Variants in RNLS observed in about 807,000 individuals in gnomAD.
RNLS encodes renalase.
RNLS carries 39 observed loss-of-function variants against 39.8 expected under a neutral mutation model. The ratio of observed to expected loss-of-function variants is 0.98; its 90% CI spans 0.76 to 1.28. The LOEUF (loss-of-function observed/expected upper bound fraction) is 1.28, where lower values mean the gene tolerates loss of function less well. Among genes scored for constraint, RNLS ranks in the 50% most tolerant of loss-of-function variants. RNLS has a pLI of 0.00. For synonymous variants in RNLS, 147 were observed against 150.7 expected (o/e 0.98, Z 0.18); for missense variants, 410 against 413.3 (o/e 0.99, Z 0.07).
chr10:88,470,312 C>T (rs901307054), intron 4 of RNLS, among the ~76,000 whole-genome samples: 1 of 152,084 alleles, frequency 6.6e-6, no homozygotes, highest in African/African-American at 2.4e-5. Flanking sequence ...CACATGAACA[C>T]ATATGTCCAT....
At chr10:88,479,424 A>T (rs1475312894) in intron 4 of RNLS, among the ~76,000 whole-genome samples, 1 of 152,218 alleles carries the variant, frequency 6.6e-6, no homozygotes, top group Non-Finnish European at 1.5e-5. Context: ...AATTATATAC[A>T]GTTTTCTATT....
the RNLS span, among the ~76,000 whole-genome samples, chr10:88,187,524 G>A: frequency 2.0e-5 from 3 of 152,246 alleles, no homozygotes; most frequent in African/African-American, 7.2e-5. Flanking sequence ...TTTGAAAACT[G>A]ATGTGCTACC....
chr10:88,412,730 G>A (rs1405346284), intron 4 of RNLS, among the ~76,000 whole-genome samples: 1 of 152,058 alleles, frequency 6.6e-6, no homozygotes, highest in Non-Finnish European at 1.5e-5. Flanking sequence ...AAGACACTTA[G>A]CAATAATAAA....
At chr10:88,182,958 G>GT in the RNLS span, among the ~76,000 whole-genome samples, 1 of 152,064 alleles carries the variant, frequency 6.6e-6, no homozygotes, top group African/African-American at 2.4e-5. Context: ...TACCAGTTGT[G>GT]TTTTTTTGGG....
intron 4 of RNLS, among the ~76,000 whole-genome samples, chr10:88,566,103 C>CA: frequency 6.6e-6 from 1 of 151,492 alleles, no homozygotes. Flanking sequence ...TATGATTATT[C>CA]AAAAAATCGT....
chr10:88,579,767 G>A (rs886927127), intron 3 of RNLS, among the ~76,000 whole-genome samples: 1 of 152,162 alleles, frequency 6.6e-6, no homozygotes, highest in African/African-American at 2.4e-5. Flanking sequence ...AATTTTATGT[G>A]TCAACTTGAC....
intron 4 of RNLS, among the ~76,000 whole-genome samples, chr10:88,470,441 G>A (rs909389251): frequency 6.6e-6 from 1 of 152,124 alleles, no homozygotes; most frequent in Admixed American, 6.6e-5. Flanking sequence ...CATGAGGGCA[G>A]CCAAGTTAAT....
chr10:88,368,253 C>T (rs1042547396), intron 4 of RNLS, among the ~76,000 whole-genome samples: 1 of 151,400 alleles, frequency 6.6e-6, no homozygotes, highest in African/African-American at 2.4e-5. Flanking sequence ...CCTCATCCAC[C>T]CTAATTTAAT....
intron 4 of RNLS, among the ~76,000 whole-genome samples, chr10:88,563,687 G>C (rs1849323437): frequency 6.6e-6 from 1 of 152,122 alleles, no homozygotes; most frequent in Admixed American, 6.6e-5. Context: ...TGTGAGGAAA[G>C]GAGTGGGATG....
chr10:88,433,977 T>C (rs906718092), intron 4 of RNLS, among the ~76,000 whole-genome samples: 2 of 152,188 alleles, frequency 1.3e-5, no homozygotes, highest in Non-Finnish European at 2.9e-5. Flanking sequence ...TGGTGTTATT[T>C]GAAGTGTCTA....
intron 4 of RNLS, among the ~76,000 whole-genome samples, chr10:88,528,600 C>T (rs191994137): frequency 2.0e-5 from 3 of 152,048 alleles, no homozygotes; most frequent in African/African-American, 7.2e-5. Flanking sequence ...AATCCCAGCA[C>T]TTTGGGAGGC....
intron 4 of RNLS, among the ~76,000 whole-genome samples, chr10:88,541,286 T>G (rs1264814644): frequency 3.3e-5 from 5 of 152,202 alleles, no homozygotes; most frequent in Non-Finnish European, 7.4e-5. Flanking sequence ...AGGAACGACA[T>G]ATCTGTGTAC....
intron 3 of RNLS, among the ~76,000 whole-genome samples, chr10:88,577,741 G>C (rs1430842281): frequency 6.6e-6 from 1 of 152,162 alleles, no homozygotes; most frequent in Non-Finnish European, 1.5e-5. Flanking sequence ...AATAAATACA[G>C]CTTTCTCTGC....
chr10:88,246,745 C>T, the RNLS span, among the ~76,000 whole-genome samples: 1 of 152,114 alleles, frequency 6.6e-6, no homozygotes, highest in East Asian at 1.9e-4. Flanking sequence ...TTAACCATTC[C>T]TTACTGCAAG....
chr10:88,375,224 AC>A (rs1369451788), intron 4 of RNLS, among the ~76,000 whole-genome samples: 2 of 152,130 alleles, frequency 1.3e-5, no homozygotes, highest in Non-Finnish European at 2.9e-5. Flanking sequence ...TTCAAAGAGA[AC>A]AAAAAAACCC....
At chr10:88,281,159 G>A (rs1255251986), downstream of RNLS, among the ~76,000 whole-genome samples, 3 of 152,310 alleles carry the variant, frequency 2.0e-5, no homozygotes, top group Middle Eastern at 6.8e-3. Flanking sequence ...TGTTTGCTGA[G>A]ACTTTTTTCT....
chr10:88,401,967 C>G (rs1852949003), intron 4 of RNLS, among the ~76,000 whole-genome samples: 1 of 151,908 alleles, frequency 6.6e-6, no homozygotes, highest in South Asian at 2.1e-4. Flanking sequence ...AGACAGGATC[C>G]TATTCCACAC....
the RNLS span, among the ~76,000 whole-genome samples, chr10:88,187,359 A>C: frequency 6.6e-6 from 1 of 151,720 alleles, no homozygotes; most frequent in Non-Finnish European, 1.5e-5. Flanking sequence ...TCCTTAGAAC[A>C]ATCGAGAATT....
the RNLS span, among the ~76,000 whole-genome samples, chr10:88,194,539 T>C: frequency 1.3e-5 from 2 of 152,238 alleles, no homozygotes; most frequent in African/African-American, 4.8e-5. Context: ...GAATAGGTCA[T>C]GCTTTGTCAT....
Sources: gnomAD v4.1 joint callset for allele counts (sites outside exome capture counted in the v4.1 genomes callset) on GRCh38, gnomAD v4.1.1 for gene constraint, MANE v1.5 for transcripts, NCBI Gene and HGNC (gene_info 2026-07-23, HGNC 2026-07-21) for gene names.